Variants in PTGR2 observed in about 807,000 individuals in gnomAD.
PTGR2 encodes prostaglandin reductase 2, also known as 15-oxoprostaglandin 13-reductase.
PTGR2 carries 32 observed loss-of-function variants against 43.4 expected under a neutral mutation model. That is an observed-to-expected ratio of 0.74 (90% confidence interval 0.56 to 0.99). The LOEUF is 0.99. PTGR2 is among the 50% of genes least tolerant of loss of function. The pLI, the probability that PTGR2 is intolerant of heterozygous loss-of-function variation, is 0.00. For missense variants in PTGR2, 373 were observed against 420.0 expected, an observed-to-expected ratio of 0.89 and a Z score of 0.98; for synonymous variants, 106 against 139.2, an observed-to-expected ratio of 0.76 and a Z score of 1.68.
chr14:73,857,664 GTTT>G (rs1213963564), intron 1 of PTGR2, among the ~76,000 whole-genome samples: 13 of 64,712 alleles, frequency 2.0e-4, no homozygotes, highest in South Asian at 8.9e-4. Flanking sequence ...AGCAGTTAGT[GTTT>G]TTTTTTTTTT....
chr14:73,864,822 TG>T (rs2054567343), intron 3 of PTGR2, among the ~76,000 whole-genome samples: 1 of 152,236 alleles, frequency 6.6e-6, no homozygotes, highest in African/African-American at 2.4e-5. Context: ...TCTCTTTTTT[TG>T]TTTGTCACGT....
intron 6 of PTGR2, 98 bp from the exon 7 acceptor site, chr14:73,879,957 C>T: frequency 8.1e-7 from 1 of 1,232,700 alleles, no homozygotes. Flanking sequence ...AACTAGTTGA[C>T]AGAAAGGATT....
At chr14:73,867,098 AAAAAAAAAAAC>A (rs2054615281) in intron 3 of PTGR2, among the ~76,000 whole-genome samples, 1 of 146,466 alleles carries the variant, frequency 6.8e-6, no homozygotes, top group Non-Finnish European at 1.5e-5. Flanking sequence ...CAAAAAAAAA[AAAAAAAAAAAC>A]AAAAAAACAA....
chr14:73,855,072 T>C (rs1243189500), intron 1 of PTGR2, among the ~76,000 whole-genome samples: 2 of 152,144 alleles, frequency 1.3e-5, no homozygotes, highest in Admixed American at 1.3e-4. Flanking sequence ...ATGAAATAAA[T>C]GGAAGGGAGA....
At chr14:73,871,518 A>T (rs12432815) in intron 3 of PTGR2, among the ~76,000 whole-genome samples, 72,971 of 151,728 alleles carry the variant, frequency 0.48, 17,911 homozygotes, top group South Asian at 0.61. Context: ...AAATTAAACC[A>T]AAGGAGAGGG....
At chr14:73,878,906 A>G (rs1566642024) in intron 5 of PTGR2, 190 bp from the exon 6 acceptor site, 2 of 555,060 alleles carry the variant, frequency 3.6e-6, no homozygotes, top group East Asian at 6.1e-5. Flanking sequence ...AATTTTAATA[A>G]TTTTTTTTTA....
intron 5 of PTGR2, 114 bp downstream of exon 5, chr14:73,877,282 T>C: frequency 9.6e-7 from 1 of 1,045,470 alleles, no homozygotes; most frequent in Non-Finnish European, 1.3e-6. Context: ...ATAAATTTTT[T>C]TTTTCTTTTT....
chr14:73,884,369 A>C lies in PTGR2; in HGVS notation c.*192A>C, dbSNP rs924780909. ...CACAATAGGTTTTTAAAAATTAATA[A>C]CTTTTAGTAATTACTTTTATTAATT... On this transcript the variant is annotated 3_prime_UTR_variant, in exon 10 of 10. Transcript: ENST00000555661. 6.9e-5 allele frequency: 29 copies of C among 418,462 alleles called. No individual in the cohort carries two copies. The highest frequency in any genetic ancestry group is 5.0e-4 in the African/African-American group (24 of 47,728). 25.9% of individuals were successfully genotyped at this position (418,462 alleles called of 1,614,324 possible). A position where few individuals can be genotyped will look rare whatever the true frequency, so the allele number is the denominator to read the frequency against.
In PTGR2 at chr14:73,875,935, C is replaced by T. The variant is rs559438534; in HGVS notation, c.349-1063C>T. On this transcript the variant is annotated intron_variant, in intron 4 of 9. Coordinates refer to ENST00000555661, the MANE Select transcript of PTGR2 (RefSeq NM_001146154.2). ...CTCCCAGGTTCAAACAATTCTCTGCCTCAGCCTTCTGAGTAGCTGGGTTTT... is the reference window on the plus strand; with the variant it reads ...CTCCCAGGTTCAAACAATTCTCTGCTTCAGCCTTCTGAGTAGCTGGGTTTT... 2.9e-4 allele frequency among the ~76,000 whole-genome samples: 43 copies of T among 150,772 alleles called. No homozygotes were observed. In the South Asian group the frequency reaches 8.6e-3, roughly 30 times the overall value.
intron 4 of PTGR2, chr14:73,874,439 T>C: frequency 1.8e-6 from 1 of 549,022 alleles, no homozygotes; most frequent in Non-Finnish European, 3.3e-6. Context: ...TAAAATAAAC[T>C]GACAATAAAC....
At chr14:73,882,674 G>A (rs2055018878) in intron 9 of PTGR2, among the ~76,000 whole-genome samples, 1 of 150,124 alleles carries the variant, frequency 6.7e-6, no homozygotes, top group Non-Finnish European at 1.5e-5. Context: ...CTAATTTTTT[G>A]TATTTTTAGT....
intron 3 of PTGR2, among the ~76,000 whole-genome samples, chr14:73,871,177 A>G (rs2054717405): frequency 6.6e-6 from 1 of 152,262 alleles, no homozygotes; most frequent in East Asian, 1.9e-4. Flanking sequence ...TCATGTCTAT[A>G]TAATGACGCC....
At chr14:73,862,356 C>T (rs913689977) in intron 3 of PTGR2, among the ~76,000 whole-genome samples, 1 of 151,980 alleles carries the variant, frequency 6.6e-6, no homozygotes, top group Admixed American at 6.6e-5. Flanking sequence ...TACAGGCAAC[C>T]GCCACCACGC....
intron 3 of PTGR2, among the ~76,000 whole-genome samples, chr14:73,870,211 T>TTTG: frequency 6.8e-6 from 1 of 147,450 alleles, no homozygotes; most frequent in African/African-American, 2.5e-5. Flanking sequence ...TTTTTTTTTT[T>TTTG]GAGATAGAGT....
rs554015718 is a variant in PTGR2, at chr14:73,866,658, C to T, written c.156+6001C>T. Reference sequence around the variant, plus strand: ...TGGGATGTCTAAATAGCTGGTTGAACGTTATTTCTGGGTGTGTCTGCAAGG... The same window carrying T: ...TGGGATGTCTAAATAGCTGGTTGAATGTTATTTCTGGGTGTGTCTGCAAGG... On this transcript the variant is annotated intron_variant, in intron 3 of 9. Coordinates refer to ENST00000555661, the MANE Select transcript of PTGR2 (RefSeq NM_001146154.2). Among the ~76,000 whole-genome samples the T allele has an allele frequency of 5.3e-5, 8 of 152,086 alleles. No homozygotes were observed. In the South Asian group the frequency reaches 1.2e-3, roughly 24 times the overall value.
intron 9 of PTGR2, among the ~76,000 whole-genome samples, chr14:73,883,188 C>CTTTTTTTTTTTTTTTTTTT (rs58234739): frequency 2.2e-4 from 13 of 58,152 alleles, no homozygotes; most frequent in African/African-American, 4.8e-4. Flanking sequence ...CCTCACCTCC[C>CTTTTTTTTTTTTTTTTTTT]TTTTTTTTTT....
chr14:73,856,842 T>C (rs142571439), intron 1 of PTGR2, among the ~76,000 whole-genome samples: 23 of 152,354 alleles, frequency 1.5e-4, no homozygotes, highest in Admixed American at 1.3e-3. Context: ...ACAAGAGTGC[T>C]TGGCACATAG....
intron 8 of PTGR2, among the ~76,000 whole-genome samples, chr14:73,882,086 C>T (rs2055004660): frequency 6.6e-6 from 1 of 152,028 alleles, no homozygotes; most frequent in African/African-American, 2.4e-5. Flanking sequence ...CTGGACTGGC[C>T]TAGGCTATTC....
rs1029901955 is a variant in PTGR2 at position 73,879,931 on chromosome 14, A to AT, written c.730-122dup. On this transcript the variant is annotated intron_variant, in intron 6 of 9. Coordinates refer to ENST00000555661, the MANE Select transcript of PTGR2 (RefSeq NM_001146154.2). ...ATTCTTAAATACCTCTAACAGGTAAATTAAAAAAAAAATCGAACTAGTTGA... is the reference window on the plus strand; with the variant it reads ...ATTCTTAAATACCTCTAACAGGTAAATTTAAAAAAAAAATCGAACTAGTTGA... The AT allele has an allele frequency of 6.6e-6, 6 of 902,308 alleles. No individual in the cohort carries two copies. The African/African-American group carries it at 8.4e-5, about 13-fold the overall frequency. The allele number at this position is 902,308 out of a possible 1,614,324, so 55.9% of individuals were successfully genotyped here.
Sources: allele counts gnomAD v4.1 joint callset (sites outside exome capture counted in the v4.1 genomes callset), GRCh38; gene constraint gnomAD v4.1.1; transcripts MANE v1.5; gene names NCBI Gene and HGNC (gene_info 2026-07-23, HGNC 2026-07-21).